ADGRG1: variants seen among roughly 807,000 people sequenced by gnomAD.
The protein encoded by ADGRG1 is adhesion G protein-coupled receptor G1, also known as 7-transmembrane protein with no EGF-like N-terminal domains-1.
ADGRG1 carries 53 observed loss-of-function variants against 73.5 expected under a neutral mutation model. That is an observed-to-expected ratio of 0.72 (90% CI 0.58 to 0.91). ADGRG1 has a LOEUF of 0.91. Ranked by LOEUF, ADGRG1 falls within the 40% of genes least tolerant of loss-of-function variation. The pLI is 0.00. For missense variants in ADGRG1, 795 were observed against 871.8 expected (o/e 0.91, Z 1.11); for synonymous variants, 394 against 374.4 (o/e 1.05, Z -0.60).
intron 1 of ADGRG1, chr16:57,639,238 C>G (rs1272110184): frequency 2.0e-6 from 2 of 985,170 alleles, no homozygotes; most frequent in Non-Finnish European, 2.4e-6. Context: ...GCTGTCCTAA[C>G]CCCTGCCCTC....
chr16:57,629,808 G>A (rs1391830054), intron 1 of ADGRG1, among the ~76,000 whole-genome samples: 1 of 152,188 alleles, frequency 6.6e-6, no homozygotes, highest in Non-Finnish European at 1.5e-5. Context: ...CGGGGGCTGG[G>A]AGTGTGTAGG....
chr16:57,634,232 T>C, intron 1 of ADGRG1: 1 of 985,400 alleles, frequency 1.0e-6, no homozygotes, highest in Non-Finnish European at 1.2e-6. Context: ...TGTGGCTCTG[T>C]GGCTGGCACC....
rs1440420088 is a variant in ADGRG1 at position 57,639,526 on chromosome 16, A to C, written c.-36+10724A>C. On this transcript the variant is annotated intron_variant, in intron 1 of 13. Coordinates refer to ENST00000562631, the MANE Select transcript of ADGRG1 (RefSeq NM_201525.4). ...GCAGTGGCTGGGGTGGCCCAGCTTC[A>C]AAGTCTCTGTCCTCTTGAAAAAAGG... is the stretch of plus-strand genomic sequence containing the variant. 1.3e-5 allele frequency: 13 copies of C among 985,284 alleles called. No individual in the cohort carries two copies. In the African/African-American group the frequency reaches 2.1e-4, roughly 16 times the overall value. The allele number at this position is 985,284 out of a possible 1,614,324, so 61.0% of individuals were successfully genotyped here.
At chr16:57,644,860 C>A (rs1263973844) in intron 1 of ADGRG1, among the ~76,000 whole-genome samples, 2 of 148,556 alleles carry the variant, frequency 1.3e-5, no homozygotes, top group East Asian at 2.1e-4. Flanking sequence ...GCACACACAC[C>A]CATGCACACA....
chr16:57,648,528 C>A (rs2043230126), intron 1 of ADGRG1: 1 of 973,594 alleles, frequency 1.0e-6, no homozygotes, highest in Admixed American at 6.2e-5. Context: ...GTCGAAGGGG[C>A]CAGGTTTATT....
intron 1 of ADGRG1, chr16:57,629,606 A>G (rs992468893): frequency 6.6e-6 from 1 of 152,174 alleles, no homozygotes; most frequent in East Asian, 1.9e-4. Flanking sequence ...CGTGCTCTTC[A>G]TCACCAAGGC....
rs1484249867 is a variant in ADGRG1, at chr16:57,644,990, A to G, written c.-35-5263A>G. On this transcript the variant is annotated intron_variant, in intron 1 of 13. Transcript: ENST00000562631. ...TGCATGGGCACACACCCCCATGCAC[A>G]CACACATGCACACTCATGCATGGGC... 14 of 829,540 alleles carry G rather than the reference A, an allele frequency of 1.7e-5. No homozygotes were observed. In the Admixed American group the frequency reaches 1.9e-4, roughly 11 times the overall value. The allele number at this position is 829,540 out of a possible 1,614,324, so 51.4% of individuals were successfully genotyped here.
chr16:57,633,786 A>G (rs2038636375), intron 1 of ADGRG1, among the ~76,000 whole-genome samples: 1 of 152,172 alleles, frequency 6.6e-6, no homozygotes, highest in Admixed American at 6.5e-5. Context: ...CTTAGAGAGC[A>G]TTGGAGACTT....
At chr16:57,629,030 G>A (rs2036906143) in intron 1 of ADGRG1, 1 of 493,556 alleles carries the variant, frequency 2.0e-6, no homozygotes, top group Admixed American at 6.6e-5. Context: ...GCGTTTGAGT[G>A]TGAGAGTGTG....
At chr16:57,628,532 G>A (rs1307370134), upstream of ADGRG1, 25 of 985,400 alleles carry the variant, frequency 2.5e-5, no homozygotes, top group Admixed American at 1.2e-4. Flanking sequence ...CACATATATC[G>A]TCCGTCATCC....
intron 1 of ADGRG1, chr16:57,642,115 C>A: frequency 1.0e-6 from 1 of 985,352 alleles, no homozygotes; most frequent in Non-Finnish European, 1.2e-6. Flanking sequence ...TCTTCATATT[C>A]TTTCTCTCTC....
rs189108837 is a variant in ADGRG1, at chr16:57,633,402, G to A, written c.-36+4600G>A. On this transcript the variant is annotated intron_variant, in intron 1 of 13. Coordinates refer to ENST00000562631, the MANE Select transcript of ADGRG1 (RefSeq NM_201525.4). Reference sequence around the variant, plus strand: ...GTGAAAGTCTCTGATACCTAAATGCGGCTTTGTGGGGATGAACCGAGACAG... The same window carrying A: ...GTGAAAGTCTCTGATACCTAAATGCAGCTTTGTGGGGATGAACCGAGACAG... The A allele has an allele frequency of 2.3e-5, 23 of 985,392 alleles. No homozygotes were observed. In the African/African-American group the frequency reaches 3.3e-4, roughly 14 times the overall value. The allele number at this position is 985,392 out of a possible 1,614,324, so 61.0% of individuals were successfully genotyped here.
In ADGRG1 at chr16:57,651,458, G is replaced by A. The variant is rs767100119; in HGVS notation, c.323G>A (p.Arg108His). The A allele has an allele frequency of 3.2e-5, 51 of 1,614,086 alleles. No homozygotes were observed. The highest frequency in any genetic ancestry group is 3.8e-5 in the Non-Finnish European group (45 of 1,180,036). Residue 108 changes from arginine (R) to histidine (H), a missense_variant, in exon 3 of 14, where the codon CGT becomes CAT. Physicochemically the swap from Arg to His is conservative, Grantham distance 29 (BLOSUM62 0). Transcript: ENST00000562631. ...AGRLHLLYGK[R>H]DFLLSDKASS... ...AGATTACATCTTCTCTATGGCAAGC[G>A]TGACTTCTTGCTGAGTGACAAAGCC... is the stretch of plus-strand genomic sequence containing the variant.
chr16:57,659,628 T>C lies in ADGRG1; in HGVS notation c.1502T>C (p.Val501Ala). ...AACCTCTACCGACTCGTGGTGGAGG[T>C]CTTTGGCACCTATGTCCCTGGCTAC... is the stretch of plus-strand genomic sequence containing the variant. Reference protein sequence around the residue: ...GYNLYRLVVEVFGTYVPGYLL... With the variant: ...GYNLYRLVVEAFGTYVPGYLL... Residue 501 changes from valine (V) to alanine (A), a missense_variant, in exon 11 of 14, where the codon GTC becomes GCC. Val to Ala is a moderately conservative substitution (Grantham distance 64). Coordinates refer to ENST00000562631, the MANE Select transcript of ADGRG1 (RefSeq NM_201525.4). 1 of 1,613,340 alleles carries C rather than the reference T, an allele frequency of 6.2e-7. No individual in the cohort carries two copies.
chr16:57,633,385 C>G, intron 1 of ADGRG1: 1 of 985,412 alleles, frequency 1.0e-6, no homozygotes, highest in Non-Finnish European at 1.2e-6. Context: ...CTGTGAAAGT[C>G]TCTGATACCT....
intron 2 of ADGRG1, among the ~76,000 whole-genome samples, chr16:57,650,736 T>A (rs1323985510): frequency 7.7e-6 from 1 of 129,042 alleles, no homozygotes; most frequent in African/African-American, 3.2e-5. Context: ...TGAGACGGAG[T>A]CTTGCTCTGT....
chr16:57,642,176 A>T, intron 1 of ADGRG1: 1 of 985,436 alleles, frequency 1.0e-6, no homozygotes, highest in Non-Finnish European at 1.2e-6. Context: ...TCACAGGCCC[A>T]GCTGGCCACG....
chr16:57,630,967 C>T (rs754748782), intron 1 of ADGRG1: 7 of 985,596 alleles, frequency 7.1e-6, no homozygotes, highest in Non-Finnish European at 8.4e-6. Context: ...TCAATCTGCT[C>T]TGTGGGGGGG....
chr16:57,628,983 A>AGAGT (rs1555531241), intron 1 of ADGRG1, 181 bp downstream of exon 1: 1 of 478,722 alleles, frequency 2.1e-6, no homozygotes, highest in Non-Finnish European at 2.6e-6. Flanking sequence ...TGTGAGAGTG[A>AGAGT]GTGAGAATGT....
Sources: allele counts gnomAD v4.1 joint callset (sites outside exome capture counted in the v4.1 genomes callset), GRCh38; gene constraint gnomAD v4.1.1; transcripts MANE v1.5; gene names NCBI Gene and HGNC (gene_info 2026-07-23, HGNC 2026-07-21).